The following MAST2 variants were observed in gnomAD, a reference collection of about 807,000 sequenced individuals.
The protein encoded by MAST2 is microtubule associated serine/threonine kinase 2, also known as microtubule-associated serine/threonine-protein kinase 2.
MAST2 carries 70 observed loss-of-function variants against 147.4 expected under a neutral mutation model. The ratio of observed to expected loss-of-function variants is 0.47; its 90% CI spans 0.39 to 0.58. The LOEUF (loss-of-function observed/expected upper bound fraction) is 0.58, where lower values mean the gene tolerates loss of function less well. Among genes scored for constraint, MAST2 ranks in the 20% least tolerant of loss-of-function variants. The pLI is 0.00. For synonymous variants in MAST2, 869 were observed against 896.8 expected (o/e 0.97, Z 0.55); for missense variants, 2,080 against 2,302.3 (o/e 0.90, Z 1.98).
intron 4 of MAST2, chr1:45,917,568 A>G (rs568239168): frequency 5.1e-6 from 7 of 1,359,388 alleles, no homozygotes; most frequent in South Asian, 4.6e-5. Context: ...GGCCTTGACA[A>G]TTGCTTCTGG....
intron 3 of MAST2, 100 bp from the exon 4 acceptor site, chr1:45,882,264 C>A: frequency 1.5e-6 from 1 of 677,158 alleles, no homozygotes; most frequent in Non-Finnish European, 2.6e-6. Context: ...TGGCCTTTTC[C>A]ATTATTAAGA....
At chr1:45,859,122 G>A (rs892074291) in intron 3 of MAST2, among the ~76,000 whole-genome samples, 12 of 152,188 alleles carry the variant, frequency 7.9e-5, no homozygotes, top group East Asian at 1.9e-4. Context: ...TGAACTTTAA[G>A]GTAGTTTTTT....
chr1:45,900,219 A>C (rs1277656652), intron 4 of MAST2, among the ~76,000 whole-genome samples: 1 of 144,912 alleles, frequency 6.9e-6, no homozygotes, highest in Non-Finnish European at 1.5e-5. Flanking sequence ...GTAGATAGCC[A>C]GTAGTGGGAT....
At chr1:45,861,498 T>C (rs547972397) in intron 3 of MAST2, among the ~76,000 whole-genome samples, 2 of 152,326 alleles carry the variant, frequency 1.3e-5, no homozygotes, top group East Asian at 3.9e-4. Context: ...ATAGCTATAA[T>C]GTGGAAGCTT....
intron 4 of MAST2, among the ~76,000 whole-genome samples, chr1:45,926,692 G>C (rs4074225): frequency 0.28 from 43,238 of 152,072 alleles, 6,276 homozygotes; most frequent in South Asian, 0.39. Context: ...AGCGCATCTT[G>C]AGAGTATCTT....
intron 5 of MAST2, among the ~76,000 whole-genome samples, chr1:45,964,574 A>G (rs1477593682): frequency 6.6e-6 from 1 of 152,068 alleles, no homozygotes; most frequent in African/African-American, 2.4e-5. Flanking sequence ...CCCCTTTATC[A>G]TTTTTTATTG....
chr1:45,851,882 G>A (rs1363069606), intron 3 of MAST2, among the ~76,000 whole-genome samples: 2 of 151,918 alleles, frequency 1.3e-5, no homozygotes, highest in Middle Eastern at 3.2e-3. Flanking sequence ...GAGATGTGTT[G>A]GGGCATTTTG....
intron 3 of MAST2, among the ~76,000 whole-genome samples, chr1:45,838,980 T>C (rs1645188271): frequency 6.6e-6 from 1 of 152,108 alleles, no homozygotes; most frequent in African/African-American, 2.4e-5. Flanking sequence ...TCTTTTCTTT[T>C]TTTTTTCCTT....
rs1237578037 is a variant in MAST2, at chr1:46,002,992, CAGAG to C, written c.747+112_747+115del. The C allele has an allele frequency of 8.1e-6, 9 of 1,116,104 alleles. No homozygotes were observed. The East Asian group carries it at 1.4e-4, about 18-fold the overall frequency. 69.1% of individuals were successfully genotyped at this position (1,116,104 alleles called of 1,614,324 possible). On this transcript the variant is annotated intron_variant, in intron 7 of 28. Coordinates refer to ENST00000361297, the MANE Select transcript of MAST2 (RefSeq NM_015112.3). The stretch of plus-strand genomic sequence containing the variant: ...TCAACTTTTTCTCCAAAGTCAAACT[CAGAG>C]AGGTTGCTGAGAGATGATGTTGGGT...
intron 4 of MAST2, among the ~76,000 whole-genome samples, chr1:45,902,248 T>C (rs1215983014): frequency 6.6e-6 from 1 of 152,174 alleles, no homozygotes; most frequent in Non-Finnish European, 1.5e-5. Flanking sequence ...GATCATATGG[T>C]TTTTGTTTTT....
chr1:46,001,120 T>A, intron 6 of MAST2: 1 of 624,628 alleles, frequency 1.6e-6, no homozygotes, highest in African/African-American at 1.9e-5. Context: ...GCCTTTCATG[T>A]CTTGCAAAGA....
At chr1:45,908,229 G>A (rs1192706312) in intron 4 of MAST2, among the ~76,000 whole-genome samples, 1 of 151,222 alleles carries the variant, frequency 6.6e-6, no homozygotes. Context: ...TTAAGTTCTG[G>A]GATACATGTG....
chr1:46,031,250 G>A lies in MAST2; in HGVS notation c.2952G>A (p.Leu984=). ...TEHSGEQRPK[L]DEEAVGRSSG... is the part of the protein sequence containing the mutation. Reference sequence around the variant, plus strand: ...ACTCAGGGGAGCAGCGGCCAAAGCTGGATGAGGAAGCTGTTGGCCGGAGCA... The same window carrying A: ...ACTCAGGGGAGCAGCGGCCAAAGCTAGATGAGGAAGCTGTTGGCCGGAGCA... The change falls in exon 23 of 29, where the codon CTG becomes CTA. Residue 984 remains leucine, a synonymous_variant. Transcript: ENST00000361297. This position sits in a 1 kb window ranked among gnomAD's most constrained non-coding sequence, Gnocchi z 4.1. The A allele has an allele frequency of 1.3e-6, 2 of 1,536,796 alleles. No individual in the cohort carries two copies. The highest frequency in any genetic ancestry group is 1.8e-6 in the Non-Finnish European group (2 of 1,139,362).
chr1:46,027,737 A>T lies in MAST2; in HGVS notation c.1926A>T (p.Leu642=). Residue 642 remains leucine, a synonymous_variant, in exon 17 of 29, where the codon CTA becomes CTT. Coordinates refer to ENST00000361297, the MANE Select transcript of MAST2 (RefSeq NM_015112.3). The part of the protein sequence containing the change: ...VHRDLKPDNL[L]ITSMGHIKLT... ...TATTTCTTCGTTCTTCCAGCCTCCT[A>T]ATTACATCCATGGGGCACATCAAGC... The T allele has an allele frequency of 6.2e-7, 1 of 1,608,520 alleles. No homozygotes were observed. The highest frequency in any genetic ancestry group is 8.5e-7 in the Non-Finnish European group (1 of 1,178,342).
At chr1:45,931,582 C>T (rs1373587352) in intron 4 of MAST2, among the ~76,000 whole-genome samples, 3 of 151,750 alleles carry the variant, frequency 2.0e-5, no homozygotes, top group Admixed American at 6.6e-5. Flanking sequence ...CTCCACCTCC[C>T]GGGTTCAAGC....
intron 11 of MAST2, among the ~76,000 whole-genome samples, chr1:46,020,435 C>T (rs1213702438): frequency 1.3e-5 from 2 of 152,020 alleles, no homozygotes; most frequent in East Asian, 1.9e-4. Flanking sequence ...GTCGGGTTCT[C>T]GGCTCTGGAG....
chr1:45,865,240 G>T (rs968811474), intron 3 of MAST2: 3 of 392,488 alleles, frequency 7.6e-6, no homozygotes, highest in Admixed American at 5.9e-5. Flanking sequence ...ATTTGAGGTA[G>T]GAGGCAGAGT....
intron 1 of MAST2, among the ~76,000 whole-genome samples, chr1:45,819,483 T>C (rs1019779202): frequency 6.6e-6 from 1 of 152,146 alleles, no homozygotes; most frequent in African/African-American, 2.4e-5. Flanking sequence ...ACCAAAAAAC[T>C]ATTAGAACTG....
intron 1 of MAST2, among the ~76,000 whole-genome samples, chr1:45,805,052 A>AT (rs10681055): frequency 0.37 from 53,095 of 143,272 alleles, 10,485 homozygotes; most frequent in African/African-American, 0.48. Flanking sequence ...TTCCTTAGAC[A>AT]TTTTTTTTTT....
Sources: gnomAD v4.1 joint callset for allele counts (sites outside exome capture counted in the v4.1 genomes callset) on GRCh38, gnomAD v4.1.1 for gene constraint, Gnocchi (gnomAD v3.1) non-coding constraint, MANE v1.5 for transcripts, NCBI Gene and HGNC (gene_info 2026-07-23, HGNC 2026-07-21) for gene names.